Variants in CLYBL observed in about 807,000 individuals in gnomAD.
CLYBL encodes the protein citramalyl-CoA lyase, also known as citramalyl-CoA lyase, mitochondrial.
In CLYBL, 31 loss-of-function variants were observed where a neutral mutation model predicts 38.9. The ratio of observed to expected loss-of-function variants is 0.80; its 90% CI spans 0.60 to 1.08. CLYBL has a LOEUF of 1.08. Among genes scored for constraint, CLYBL ranks in the 50% least tolerant of loss-of-function variants. The probability of loss-of-function intolerance (pLI) is 0.00; values close to 1 mark genes in which losing one functional copy is unlikely to be tolerated. For synonymous variants in CLYBL, 171 were observed against 158.6 expected (o/e 1.08, Z -0.59); for missense variants, 434 against 411.6 (o/e 1.05, Z -0.47).
rs1448269104 is a variant in CLYBL at position 99,849,468 on chromosome 13, C to T, written c.250-9393C>T. 2.6e-5 allele frequency among the ~76,000 whole-genome samples: 4 copies of T among 152,128 alleles called. No individual in the cohort carries two copies. Among genetic ancestry groups the T allele is most frequent in the African/African-American group, 7.2e-5 (3 of 41,414 alleles). ...TTCGAGGCAGCAGTGAGCCATGATC[C>T]TGCCACTGCACTCCAGCCTGGCTGA... is the stretch of plus-strand genomic sequence containing the variant. On this transcript the variant is annotated intron_variant, in intron 2 of 8. Coordinates refer to ENST00000339105, the MANE Select transcript of CLYBL (RefSeq NM_206808.5). The surrounding 1 kb of genome is among the most constrained non-coding windows in gnomAD (Gnocchi z 4.9).
At chr13:99,664,502 T>C (rs562700167) in intron 1 of CLYBL, among the ~76,000 whole-genome samples, 2 of 152,354 alleles carry the variant, frequency 1.3e-5, no homozygotes, top group East Asian at 3.9e-4. Context: ...TAAATTGCTA[T>C]TATGATTACT....
chr13:99,844,176 G>A (rs1465573637), intron 2 of CLYBL, among the ~76,000 whole-genome samples: 2 of 152,216 alleles, frequency 1.3e-5, no homozygotes, highest in African/African-American at 4.8e-5. Flanking sequence ...CCTCGAGGGT[G>A]TAAGGAAGGG....
At chr13:99,824,257 G>GCCC (rs57450534) in intron 2 of CLYBL, among the ~76,000 whole-genome samples, 10,835 of 130,144 alleles carry the variant, frequency 0.083, 521 homozygotes, top group Middle Eastern at 0.12. Flanking sequence ...CTGACTAATA[G>GCCC]CCCCCCCCAC....
intron 1 of CLYBL, among the ~76,000 whole-genome samples, chr13:99,621,015 A>G (rs889353228): frequency 6.6e-6 from 1 of 152,128 alleles, no homozygotes; most frequent in Non-Finnish European, 1.5e-5. Context: ...GTGCGTTTGA[A>G]TCATCAGTGT....
chr13:99,862,887 A>C, intron 3 of CLYBL, 104 bp from the exon 4 acceptor site: 1 of 479,334 alleles, frequency 2.1e-6, no homozygotes, highest in Middle Eastern at 3.0e-4. Flanking sequence ...AGAGGCTTGG[A>C]TATTACTTCC....
intron 1 of CLYBL, among the ~76,000 whole-genome samples, chr13:99,682,232 C>A (rs557121865): frequency 6.6e-6 from 1 of 152,132 alleles, no homozygotes; most frequent in South Asian, 2.1e-4. Flanking sequence ...CGTCCTCCAC[C>A]TCCTGGGTTC....
At chr13:99,820,016 G>C (rs1276135852) in intron 2 of CLYBL, among the ~76,000 whole-genome samples, 1 of 152,210 alleles carries the variant, frequency 6.6e-6, no homozygotes, top group African/African-American at 2.4e-5. Flanking sequence ...CTCAGTGGCT[G>C]CTGGTTGCAG....
At chr13:99,662,101 C>A (rs964857693) in intron 1 of CLYBL, among the ~76,000 whole-genome samples, 1 of 152,174 alleles carries the variant, frequency 6.6e-6, no homozygotes, top group Non-Finnish European at 1.5e-5. Context: ...TGTTGACCCC[C>A]TTGGCTCCCT....
intron 1 of CLYBL, among the ~76,000 whole-genome samples, chr13:99,669,861 C>G (rs1461990541): frequency 6.6e-6 from 1 of 152,112 alleles, no homozygotes; most frequent in Non-Finnish European, 1.5e-5. Context: ...AGCAAGGGGC[C>G]TATTAGAAAT....
intron 1 of CLYBL, among the ~76,000 whole-genome samples, chr13:99,738,294 G>A (rs1289928564): frequency 1.3e-5 from 2 of 152,166 alleles, no homozygotes; most frequent in Non-Finnish European, 2.9e-5. Flanking sequence ...TATTTGTACT[G>A]ATCAGAACAT....
At chr13:99,802,116 G>A (rs529281300) in intron 2 of CLYBL, among the ~76,000 whole-genome samples, 132 of 152,234 alleles carry the variant, frequency 8.7e-4, no homozygotes, top group African/African-American at 3.0e-3. Context: ...TAGATTGGGT[G>A]GCTTAAAGAA....
intron 7 of CLYBL, 145 bp downstream of exon 7, chr13:99,871,207 G>A (rs903728950): frequency 2.2e-6 from 2 of 920,358 alleles, no homozygotes; most frequent in African/African-American, 3.4e-5. Flanking sequence ...ATTCACCAGT[G>A]AGAAAATTGC....
chr13:99,795,165 T>G lies in CLYBL; in HGVS notation c.249+22155T>G, dbSNP rs917434147. Among the ~76,000 whole-genome samples, 26 of 152,290 alleles carry G rather than the reference T, an allele frequency of 1.7e-4. 1 individual carries two copies. The highest frequency in any genetic ancestry group is 1.5e-3 in the Admixed American group (23 of 15,296). ...AATTAACTCAAGACACAGCCTGCCC[T>G]TCTACTAAAAATGTGCTATTTCAAA... is the stretch of plus-strand genomic sequence containing the variant. On this transcript the variant is annotated intron_variant, in intron 2 of 8. Coordinates refer to ENST00000339105, the MANE Select transcript of CLYBL (RefSeq NM_206808.5).
intron 1 of CLYBL, among the ~76,000 whole-genome samples, chr13:99,611,354 G>T (rs2046623613): frequency 6.6e-6 from 1 of 152,142 alleles, no homozygotes. Flanking sequence ...ATAGAGTTTT[G>T]ATCGAGTGGA....
chr13:99,628,088 C>G (rs148788664), intron 1 of CLYBL, among the ~76,000 whole-genome samples: 1 of 152,152 alleles, frequency 6.6e-6, no homozygotes, highest in Non-Finnish European at 1.5e-5. Flanking sequence ...GTAGTTAGCA[C>G]GATCACTTCT....
chr13:99,617,415 C>T (rs954043328), intron 1 of CLYBL, among the ~76,000 whole-genome samples: 5 of 152,150 alleles, frequency 3.3e-5, no homozygotes, highest in Admixed American at 2.6e-4. Flanking sequence ...TGAAAGCATA[C>T]ACTTGACTTG....
chr13:99,674,984 T>C (rs1004288119), intron 1 of CLYBL, among the ~76,000 whole-genome samples: 1 of 152,126 alleles, frequency 6.6e-6, no homozygotes, highest in Non-Finnish European at 1.5e-5. Flanking sequence ...CAGAGAACAA[T>C]GATCGCTCCT....
chr13:99,794,742 C>T (rs2049988877), intron 2 of CLYBL, among the ~76,000 whole-genome samples: 1 of 151,798 alleles, frequency 6.6e-6, no homozygotes, highest in African/African-American at 2.4e-5. Flanking sequence ...CAGGCATGTG[C>T]CACCACACCT....
At chr13:99,878,204 AAAG>A (rs143446185) in intron 7 of CLYBL, among the ~76,000 whole-genome samples, 119 of 152,368 alleles carry the variant, frequency 7.8e-4, no homozygotes, top group African/African-American at 2.6e-3. Context: ...AGAAAAATTG[AAAG>A]AAGATGTTTC....
Sources: gnomAD v4.1 joint callset for allele counts (sites outside exome capture counted in the v4.1 genomes callset) on GRCh38, gnomAD v4.1.1 for gene constraint, Gnocchi (gnomAD v3.1) non-coding constraint, MANE v1.5 for transcripts, NCBI Gene and HGNC (gene_info 2026-07-23, HGNC 2026-07-21) for gene names.